Variants in VGLL4 observed in about 807,000 individuals in gnomAD.
VGLL4 encodes the protein vestigial like family member 4, also known as transcription cofactor vestigial-like protein 4.
Under a neutral mutation model 21.0 loss-of-function variants are expected in VGLL4, and 7 were observed. The ratio of observed to expected loss-of-function variants is 0.33; its 90% CI spans 0.19 to 0.63. The LOEUF is 0.63. Ranked by LOEUF, VGLL4 falls within the 20% of genes least tolerant of loss-of-function variation. The probability of loss-of-function intolerance (pLI) is 0.78; values close to 1 mark genes in which losing one functional copy is unlikely to be tolerated. For missense variants in VGLL4, 394 were observed against 425.7 expected, an observed-to-expected ratio of 0.93 and a Z score of 0.66; for synonymous variants, 222 against 173.2, an observed-to-expected ratio of 1.28 and a Z score of -2.21.
rs1224434025 is a variant in VGLL4 at position 11,557,412 on chromosome 3, AAACCCC to A, written c.*1138_*1143del. The A allele has an allele frequency of 1.3e-5, 2 of 152,762 alleles. No homozygotes were observed. Among genetic ancestry groups the A allele is most frequent in the Non-Finnish European group, 2.9e-5 (2 of 68,044 alleles). 9.5% of individuals were successfully genotyped at this position (152,762 alleles called of 1,614,324 possible). On this transcript the variant is annotated 3_prime_UTR_variant, in exon 5 of 5. Transcript: ENST00000430365. ...TGCATGTAGGGAAGTTGGAAGACAC[AAACCCC>A]ACCTCCCCTGGGAGCTTGTAACAAA...
At chr3:11,605,350 T>A (rs913066151) in intron 1 of VGLL4, among the ~76,000 whole-genome samples, 4 of 128,984 alleles carry the variant, frequency 3.1e-5, no homozygotes, top group Non-Finnish European at 6.6e-5. Context: ...AGCGCCATTC[T>A]CAGCATGTTG....
At chr3:11,587,265 G>T (rs1575419678) in intron 2 of VGLL4, among the ~76,000 whole-genome samples, 1 of 152,184 alleles carries the variant, frequency 6.6e-6, no homozygotes, top group Non-Finnish European at 1.5e-5. Flanking sequence ...CTCCAATGAG[G>T]TTCTAGAGGA....
chr3:11,604,328 G>C, intron 1 of VGLL4: 1 of 893,134 alleles, frequency 1.1e-6, no homozygotes, highest in Non-Finnish European at 1.3e-6. Flanking sequence ...ACTTACCCAA[G>C]ATCCTCCAGT....
At chr3:11,712,012 C>G (rs185452603) in intron 1 of VGLL4, among the ~76,000 whole-genome samples, 1 of 152,316 alleles carries the variant, frequency 6.6e-6, no homozygotes, top group Admixed American at 6.5e-5. Context: ...CCACCAACTT[C>G]GTGCAGCACA....
At chr3:11,631,258 T>C (rs1166274125) in intron 1 of VGLL4, among the ~76,000 whole-genome samples, 1 of 148,412 alleles carries the variant, frequency 6.7e-6, no homozygotes, top group Non-Finnish European at 1.5e-5. Context: ...ATGAGAATGC[T>C]CTCCCTCTTG....
chr3:11,606,685 C>T (rs376793609), intron 1 of VGLL4, among the ~76,000 whole-genome samples: 6 of 152,138 alleles, frequency 3.9e-5, no homozygotes, highest in African/African-American at 1.2e-4. Flanking sequence ...ACACATCAAT[C>T]AGCTCTCTGT....
At chr3:11,671,061 G>A (rs113593696) in intron 2 of VGLL4, among the ~76,000 whole-genome samples, 474 of 152,214 alleles carry the variant, frequency 3.1e-3, no homozygotes, top group African/African-American at 0.011. Flanking sequence ...GGAGAGGGTG[G>A]TGCATTAAGG....
intron 1 of VGLL4, among the ~76,000 whole-genome samples, chr3:11,609,216 C>A (rs1244109763): frequency 1.3e-5 from 2 of 152,130 alleles, no homozygotes; most frequent in Non-Finnish European, 2.9e-5. Context: ...ATTAGATCAT[C>A]TTGACAGCCT....
chr3:11,669,288 A>C (rs1405126618), intron 2 of VGLL4, among the ~76,000 whole-genome samples: 2 of 152,304 alleles, frequency 1.3e-5, no homozygotes, highest in African/African-American at 4.8e-5. Flanking sequence ...CTCAGGAGAA[A>C]GCCAGGAGGA....
intron 1 of VGLL4, among the ~76,000 whole-genome samples, chr3:11,629,146 A>G (rs940206420): frequency 1.3e-5 from 2 of 152,242 alleles, no homozygotes; most frequent in Non-Finnish European, 2.9e-5. Flanking sequence ...AAAATTTTAA[A>G]CACACTATGA....
At chr3:11,674,011 CAAAAAAAAAAAA>C (rs11293628) in intron 2 of VGLL4, among the ~76,000 whole-genome samples, 10 of 56,878 alleles carry the variant, frequency 1.8e-4, no homozygotes, top group South Asian at 7.0e-4. Flanking sequence ...GACTTTGTCT[CAAAAAAAAAAAA>C]AAAAAAAAAA....
chr3:11,694,204 G>A (rs913323274), intron 2 of VGLL4, among the ~76,000 whole-genome samples: 8 of 152,152 alleles, frequency 5.3e-5, no homozygotes, highest in African/African-American at 1.7e-4. Flanking sequence ...TTTTACTTTT[G>A]TTATTTCATG....
Position 11,572,839 on chromosome 3 carries a change from G to A in VGLL4, c.273-7820C>T, listed in dbSNP as rs117053039. 4.2e-4 allele frequency among the ~76,000 whole-genome samples: 64 copies of A among 152,028 alleles called. No homozygotes were observed. In the East Asian group the frequency reaches 5.2e-3, roughly 12 times the overall value. On this transcript the variant is annotated intron_variant, in intron 2 of 4. Transcript: ENST00000430365. ...ATATGTACCCGTTCCTTTATGGACCGGCGCCTGGGCACTCTTTGGTTTTTC... is the reference window on the plus strand; with the variant it reads ...ATATGTACCCGTTCCTTTATGGACCAGCGCCTGGGCACTCTTTGGTTTTTC...
At chr3:11,609,100 T>C (rs891793652) in intron 1 of VGLL4, among the ~76,000 whole-genome samples, 2 of 152,142 alleles carry the variant, frequency 1.3e-5, no homozygotes, top group African/African-American at 4.8e-5. Context: ...ACTCCTGATC[T>C]CAAGTTATCT....
At chr3:11,615,485 C>A (rs377232242) in intron 1 of VGLL4, among the ~76,000 whole-genome samples, 1 of 152,178 alleles carries the variant, frequency 6.6e-6, no homozygotes, top group Admixed American at 6.5e-5. Context: ...TGCACCACAC[C>A]GGAAGGACCT....
At position 11,719,969 on chromosome 3, in the gene VGLL4, C is replaced by G. The variant is rs910634783; in HGVS notation, c.-14+425G>C. Among the ~76,000 whole-genome samples the G allele has an allele frequency of 6.6e-6, 1 of 152,134 alleles. No homozygotes were observed. Among genetic ancestry groups the G allele is most frequent in the Non-Finnish European group, 1.5e-5 (1 of 67,992 alleles). On this transcript the variant is annotated intron_variant, in intron 1 of 5. Transcript: ENST00000273038. This position sits in a 1 kb window ranked among gnomAD's most constrained non-coding sequence, Gnocchi z 4.0. ...TCTCGCACGCCCCCGCCCCCGAGGC[C>G]CCGCCAGGGGACACAGCGCCGTGCA...
At position 11,719,549 on chromosome 3, in the gene VGLL4, C is replaced by T. The variant is rs1406595108; in HGVS notation, c.-14+845G>A. 2 of 150,958 alleles carry T rather than the reference C, an allele frequency of 1.3e-5. No individual in the cohort carries two copies. Among genetic ancestry groups the T allele is most frequent in the Admixed American group, 6.6e-5 (1 of 15,188 alleles). 9.4% of individuals were successfully genotyped at this position (150,958 alleles called of 1,614,324 possible). ...ACGCACAGGCGGGCTCGCGCCCGAG[C>T]CCCCGCACGGGCCCCCGCCAAACAC... On this transcript the variant is annotated intron_variant, in intron 1 of 5. Coordinates refer to the VGLL4 transcript ENST00000273038. The surrounding 1 kb of genome is among the most constrained non-coding windows in gnomAD (Gnocchi z 4.0).
rs553608532 is a variant in VGLL4, at chr3:11,671,401, G to A, written c.64+31570C>T. On this transcript the variant is annotated intron_variant, in intron 2 of 5. Transcript: ENST00000273038. ...AACAAGTTCCCAGGTGACGCTGTGG[G>A]CCACATGTAAGTAACAAAGAGGTAG... is the stretch of plus-strand genomic sequence containing the variant. 4.6e-5 allele frequency: 39 copies of A among 844,580 alleles called. No homozygotes were observed. The Middle Eastern group carries it at 6.5e-4, about 14-fold the overall frequency. The allele number at this position is 844,580 out of a possible 1,614,324, so 52.3% of individuals were successfully genotyped here. A position where few individuals can be genotyped will look rare whatever the true frequency, so the allele number is the denominator to read the frequency against.
intron 1 of VGLL4, among the ~76,000 whole-genome samples, chr3:11,631,226 AGCTCGAGGAG>A (rs1435546038): frequency 6.6e-6 from 1 of 152,084 alleles, no homozygotes; most frequent in African/African-American, 2.4e-5. Flanking sequence ...CTGGTAAGGA[AGCTCGAGGAG>A]GCTCAGGGGC....
Sources: allele counts gnomAD v4.1 joint callset (sites outside exome capture counted in the v4.1 genomes callset), GRCh38; gene constraint gnomAD v4.1.1; non-coding constraint Gnocchi (gnomAD v3.1); transcripts MANE v1.5; gene names NCBI Gene and HGNC (gene_info 2026-07-23, HGNC 2026-07-21).